The following TCF12 variants were observed in gnomAD, a reference collection of about 807,000 sequenced individuals.
TCF12 encodes DNA-binding protein HTF4.
Under a neutral mutation model 86.0 loss-of-function variants are expected in TCF12, and 45 were observed. That is an observed-to-expected ratio of 0.52 (90% CI 0.41 to 0.67). The LOEUF is 0.67. Ranked by LOEUF, TCF12 falls within the 30% of genes least tolerant of loss-of-function variation. The pLI is 0.00. For synonymous variants in TCF12, 330 were observed against 299.6 expected (o/e 1.10, Z -1.05); for missense variants, 881 against 859.9 (o/e 1.02, Z -0.31).
chr15:57,046,409 T>A (rs1277785804), intron 3 of TCF12, among the ~76,000 whole-genome samples: 1 of 152,080 alleles, frequency 6.6e-6, no homozygotes, highest in Admixed American at 6.5e-5. Flanking sequence ...AGGACATCAG[T>A]TAGATTCATT....
chr15:57,078,125 C>G (rs1244291939), intron 4 of TCF12, among the ~76,000 whole-genome samples: 4 of 152,110 alleles, frequency 2.6e-5, no homozygotes, highest in Non-Finnish European at 4.4e-5. Flanking sequence ...TTCCAGTTAT[C>G]AATATGTTTC....
At chr15:57,197,967 A>T (rs2057354658) in intron 8 of TCF12, 142 bp downstream of exon 8, 2 of 788,320 alleles carry the variant, frequency 2.5e-6, no homozygotes, top group East Asian at 5.3e-5. Flanking sequence ...AAAATCATTG[A>T]TTGAGGTAAA....
intron 3 of TCF12, among the ~76,000 whole-genome samples, chr15:57,055,007 A>G (rs1338157153): frequency 6.6e-6 from 1 of 151,456 alleles, no homozygotes; most frequent in African/African-American, 2.4e-5. Flanking sequence ...TTCTTTCCTA[A>G]GCTCTATGTG....
At chr15:57,084,201 A>G (rs1478827169) in intron 4 of TCF12, among the ~76,000 whole-genome samples, 1 of 152,224 alleles carries the variant, frequency 6.6e-6, no homozygotes, top group Non-Finnish European at 1.5e-5. Context: ...AATACTGTTG[A>G]TTTATAGTAG....
chr15:56,956,758 A>T (rs1021020591), intron 3 of TCF12, among the ~76,000 whole-genome samples: 1 of 151,944 alleles, frequency 6.6e-6, no homozygotes, highest in Non-Finnish European at 1.5e-5. Context: ...TCTTATCTTT[A>T]TTCCTCTATA....
rs572171869 is a variant in TCF12 at position 57,144,033 on chromosome 15, T to G, written c.326-22369T>G. 2.6e-5 allele frequency among the ~76,000 whole-genome samples: 4 copies of G among 152,334 alleles called. No homozygotes were observed. The South Asian group carries it at 6.2e-4, about 24-fold the overall frequency. On this transcript the variant is annotated intron_variant, in intron 5 of 20. Coordinates refer to ENST00000333725, the MANE Select transcript of TCF12 (RefSeq NM_207037.2). ...TGCCTTCAGCACAAAATAATTCTTA[T>G]GCCAAAGTGTAATATTTTAGGATAG...
intron 8 of TCF12, 55 bp from the exon 9 acceptor site, chr15:57,231,097 A>T (rs568549455): frequency 7.4e-7 from 1 of 1,346,568 alleles, no homozygotes; most frequent in Admixed American, 1.7e-5. Context: ...CTCATTTTAC[A>T]TAAGTAATAT....
chr15:57,254,874 A>AAAAAG (rs1555410242), intron 16 of TCF12, among the ~76,000 whole-genome samples: 61 of 108,850 alleles, frequency 5.6e-4, no homozygotes, highest in African/African-American at 1.5e-3. Context: ...AAAAAAAAAA[A>AAAAAG]AAAGAAAGAA....
At chr15:56,955,155 T>C (rs567477033) in intron 3 of TCF12, among the ~76,000 whole-genome samples, 1 of 152,348 alleles carries the variant, frequency 6.6e-6, no homozygotes, top group Admixed American at 6.5e-5. Context: ...GCAATCCAGA[T>C]GTCCATCAAT....
At chr15:57,106,621 GAA>G (rs1364660950) in intron 5 of TCF12, among the ~76,000 whole-genome samples, 1 of 152,110 alleles carries the variant, frequency 6.6e-6, no homozygotes, top group East Asian at 1.9e-4. Flanking sequence ...TCAAGGTAAT[GAA>G]AAAGACAGGC....
chr15:57,228,281 C>T (rs549780094), intron 8 of TCF12, among the ~76,000 whole-genome samples: 1 of 152,096 alleles, frequency 6.6e-6, no homozygotes, highest in East Asian at 1.9e-4. Context: ...GTTAAGATAC[C>T]AAAAGTAAAG....
intron 3 of TCF12, among the ~76,000 whole-genome samples, chr15:56,923,422 T>C (rs989229395): frequency 1.3e-5 from 2 of 152,092 alleles, no homozygotes; most frequent in Non-Finnish European, 1.5e-5. Context: ...TGAGGATCTG[T>C]TATGTTATTC....
chr15:56,982,149 A>G (rs1187348806), intron 3 of TCF12, among the ~76,000 whole-genome samples: 2 of 152,116 alleles, frequency 1.3e-5, no homozygotes, highest in Non-Finnish European at 2.9e-5. Context: ...AGCTCCAGAG[A>G]CTCAGGTAGG....
chr15:57,045,833 A>G (rs1363988170), intron 3 of TCF12, among the ~76,000 whole-genome samples: 1 of 150,362 alleles, frequency 6.7e-6, no homozygotes, highest in East Asian at 2.0e-4. Context: ...GACCTGAGCC[A>G]CTGTGCCTAG....
intron 5 of TCF12, among the ~76,000 whole-genome samples, chr15:57,149,885 T>C (rs2053620136): frequency 6.6e-6 from 1 of 152,196 alleles, no homozygotes; most frequent in Non-Finnish European, 1.5e-5. Context: ...AGAAAGCTTT[T>C]TTATTTTTTT....
intron 5 of TCF12, among the ~76,000 whole-genome samples, chr15:57,166,123 C>G (rs1346630124): frequency 1.3e-5 from 2 of 151,710 alleles, no homozygotes; most frequent in African/African-American, 2.4e-5. Flanking sequence ...TTCACTATTG[C>G]CCACGCTAGT....
chr15:57,180,734 C>T (rs1438423215), intron 6 of TCF12, among the ~76,000 whole-genome samples: 3 of 150,914 alleles, frequency 2.0e-5, no homozygotes, highest in East Asian at 2.0e-4. Flanking sequence ...ATATGAGGTA[C>T]TCTCCATCTA....
intron 3 of TCF12, among the ~76,000 whole-genome samples, chr15:57,054,837 A>G (rs1361865801): frequency 7.8e-6 from 1 of 127,718 alleles, no homozygotes; most frequent in Non-Finnish European, 1.5e-5. Flanking sequence ...ATACATCATT[A>G]ACTTCTCAAA....
intron 3 of TCF12, among the ~76,000 whole-genome samples, chr15:56,927,295 A>G (rs1400933825): frequency 6.6e-6 from 1 of 152,242 alleles, no homozygotes; most frequent in African/African-American, 2.4e-5. Flanking sequence ...TATAAAGTTA[A>G]TACATAGTCA....
Sources: gnomAD v4.1 joint callset for allele counts (sites outside exome capture counted in the v4.1 genomes callset) on GRCh38, gnomAD v4.1.1 for gene constraint, MANE v1.5 for transcripts, NCBI Gene and HGNC (gene_info 2026-07-23, HGNC 2026-07-21) for gene names.